The following TMEM273 variants were observed in gnomAD, a reference collection of about 807,000 sequenced individuals.
The protein encoded by TMEM273 is chromosome 10 open reading frame 128.
In TMEM273, 19 loss-of-function variants were observed where a neutral mutation model predicts 17.9. That is an observed-to-expected ratio of 1.06 (90% CI 0.74 to 1.55). The LOEUF (loss-of-function observed/expected upper bound fraction) is 1.55. Ranked by LOEUF, TMEM273 falls within the 40% of genes most tolerant of loss-of-function variation. TMEM273 has a pLI of 0.00. For missense variants in TMEM273, 194 were observed against 155.6 expected (o/e 1.25, Z -1.31); for synonymous variants, 66 against 62.0 (o/e 1.07, Z -0.31).
At chr10:49,177,163 T>C (rs1847035751) in intron 1 of TMEM273, among the ~76,000 whole-genome samples, 1 of 152,082 alleles carries the variant, frequency 6.6e-6, no homozygotes, top group Admixed American at 6.5e-5. Context: ...CACCAGCGAG[T>C]TCCCTTACCC....
intron 6 of TMEM273, among the ~76,000 whole-genome samples, chr10:49,159,732 TGAGAGAGAGACAGAGA>T (rs374633449): frequency 0.11 from 10,177 of 96,188 alleles, 368 homozygotes; most frequent in Middle Eastern, 0.18. Flanking sequence ...ACAGAGAGAG[TGAGAGAGAGACAGAGA>T]GAGAAACAGG....
chr10:49,168,964 T>A (rs1846379701), intron 1 of TMEM273, among the ~76,000 whole-genome samples: 1 of 152,098 alleles, frequency 6.6e-6, no homozygotes, highest in South Asian at 2.1e-4. Context: ...CTCTGTGAGA[T>A]AAGTACTGTT....
chr10:49,168,184 G>A (rs891379500), intron 1 of TMEM273, among the ~76,000 whole-genome samples: 3 of 152,114 alleles, frequency 2.0e-5, no homozygotes, highest in African/African-American at 4.8e-5. Context: ...TCAGTCAGCC[G>A]TTCAGCACAG....
intron 5 of TMEM273, among the ~76,000 whole-genome samples, chr10:49,161,888 T>C (rs1372613659): frequency 6.6e-6 from 1 of 152,108 alleles, no homozygotes; most frequent in Non-Finnish European, 1.5e-5. Context: ...GGCGATGTAT[T>C]AATTATCAGG....
chr10:49,157,973 C>T (rs1337852206), intron 6 of TMEM273, among the ~76,000 whole-genome samples: 1 of 152,158 alleles, frequency 6.6e-6, no homozygotes, highest in Non-Finnish European at 1.5e-5. Flanking sequence ...TTCAACAAGG[C>T]AACCCCTATA....
At chr10:49,181,918 A>C (rs1298127155) in intron 1 of TMEM273, among the ~76,000 whole-genome samples, 1 of 152,246 alleles carries the variant, frequency 6.6e-6, no homozygotes, top group Non-Finnish European at 1.5e-5. Context: ...AGACTAAGAA[A>C]ATATTTGCAC....
chr10:49,170,701 T>C (rs1419626746), intron 1 of TMEM273, among the ~76,000 whole-genome samples: 1 of 152,080 alleles, frequency 6.6e-6, no homozygotes, highest in Non-Finnish European at 1.5e-5. Context: ...CCACAGCCAC[T>C]CAGTGGCAGC....
At chr10:49,157,065 C>T (rs1281690294) in intron 6 of TMEM273, among the ~76,000 whole-genome samples, 1 of 152,150 alleles carries the variant, frequency 6.6e-6, no homozygotes, top group African/African-American at 2.4e-5. Flanking sequence ...AATTAAAAGG[C>T]CCCTTCAGGT....
At chr10:49,157,460 C>T (rs1422795800) in intron 6 of TMEM273, among the ~76,000 whole-genome samples, 1 of 152,208 alleles carries the variant, frequency 6.6e-6, no homozygotes, top group Admixed American at 6.5e-5. Flanking sequence ...TAACCCAAAT[C>T]TTTGACCACA....
At chr10:49,169,972 C>G (rs1263648148) in intron 1 of TMEM273, among the ~76,000 whole-genome samples, 1 of 152,244 alleles carries the variant, frequency 6.6e-6, no homozygotes, top group Non-Finnish European at 1.5e-5. Context: ...GGGCCAGACC[C>G]CTGAGCCCCA....
Position 49,155,803 on chromosome 10 carries a change from T to C in TMEM273, c.*89A>G. On this transcript the variant is annotated 3_prime_UTR_variant, in exon 7 of 7. Coordinates refer to ENST00000374153, the MANE Select transcript of TMEM273 (RefSeq NM_001288740.3). Reference sequence around the variant, plus strand: ...GTGAAAGTTCATTACCAGCCTTGGGTGTTTGAATGCAGAACATCCTGAGAT... The same window carrying C: ...GTGAAAGTTCATTACCAGCCTTGGGCGTTTGAATGCAGAACATCCTGAGAT... 1 of 1,597,884 alleles carries C rather than the reference T, an allele frequency of 6.3e-7. No homozygotes were observed. Among genetic ancestry groups the C allele is most frequent in the Non-Finnish European group, 8.6e-7 (1 of 1,166,776 alleles).
chr10:49,187,817 T>G (rs1384114041), intron 1 of TMEM273, among the ~76,000 whole-genome samples: 1 of 152,248 alleles, frequency 6.6e-6, no homozygotes, highest in Admixed American at 6.5e-5. Flanking sequence ...CTTCACTGCA[T>G]GAGAATTCTG....
chr10:49,156,223 T>C, intron 6 of TMEM273: 8 of 1,395,576 alleles, frequency 5.7e-6, no homozygotes, highest in Non-Finnish European at 7.6e-6. Flanking sequence ...CTTTTCACTT[T>C]CTGTAGTTGG....
intron 1 of TMEM273, among the ~76,000 whole-genome samples, 193 bp from the exon 2 acceptor site, chr10:49,168,155 C>A (rs1027891238): frequency 6.6e-6 from 1 of 152,142 alleles, no homozygotes; most frequent in Non-Finnish European, 1.5e-5. Flanking sequence ...ACCAGGAACG[C>A]GTCTCCACCC....
At chr10:49,161,510 G>A (rs1845838782) in intron 6 of TMEM273, 89 bp downstream of exon 6, 4 of 1,563,668 alleles carry the variant, frequency 2.6e-6, no homozygotes, top group Non-Finnish European at 3.5e-6. Context: ...GCCAGGGGAG[G>A]GAGAGGTCAT....
intron 6 of TMEM273, chr10:49,160,420 G>A (rs1364989742): frequency 6.6e-6 from 1 of 152,132 alleles, no homozygotes; most frequent in Non-Finnish European, 1.5e-5. Flanking sequence ...ATGGGACATT[G>A]TATAAGACAA....
At chr10:49,165,636 G>T in intron 4 of TMEM273, 130 bp downstream of exon 4, 1 of 1,367,772 alleles carries the variant, frequency 7.3e-7, no homozygotes, top group Non-Finnish European at 1.0e-6. Context: ...GGGACCACGA[G>T]GTGCATTCTA....
At chr10:49,176,201 C>T (rs753101426) in intron 1 of TMEM273, among the ~76,000 whole-genome samples, 9 of 152,174 alleles carry the variant, frequency 5.9e-5, no homozygotes, top group Non-Finnish European at 1.0e-4. Context: ...CAAGCAAACA[C>T]GCCACCACCT....
At chr10:49,160,622 T>C (rs1390559149) in intron 6 of TMEM273, 1 of 152,194 alleles carries the variant, frequency 6.6e-6, no homozygotes, top group Non-Finnish European at 1.5e-5. Flanking sequence ...ATATGGACTG[T>C]ATAATAGATG....
Sources: allele counts gnomAD v4.1 joint callset (sites outside exome capture counted in the v4.1 genomes callset), GRCh38; gene constraint gnomAD v4.1.1; transcripts MANE v1.5; gene names NCBI Gene and HGNC (gene_info 2026-07-23, HGNC 2026-07-21).